Variants in UGT8 observed in about 807,000 individuals in gnomAD.
UGT8 encodes 2-hydroxyacylsphingosine 1-beta-galactosyltransferase.
In UGT8, 12 loss-of-function variants were observed where a neutral mutation model predicts 40.5. That is an observed-to-expected ratio of 0.30 (90% confidence interval 0.19 to 0.48). The LOEUF is 0.48. Ranked by LOEUF, UGT8 falls within the 20% of genes least tolerant of loss-of-function variation. The probability of loss-of-function intolerance (pLI) is 0.99; values close to 1 mark genes in which losing one functional copy is unlikely to be tolerated. For missense variants in UGT8, 513 were observed against 648.7 expected (o/e 0.79, Z 2.27); for synonymous variants, 224 against 240.4 (o/e 0.93, Z 0.63).
chr4:114,641,520 G>A (rs1057160403), intron 2 of UGT8, among the ~76,000 whole-genome samples: 7 of 152,164 alleles, frequency 4.6e-5, no homozygotes, highest in African/African-American at 9.6e-5. Flanking sequence ...AAACTGTGGC[G>A]TCTGTAAACC....
intron 2 of UGT8, among the ~76,000 whole-genome samples, chr4:114,637,277 A>G (rs1000519123): frequency 6.6e-6 from 1 of 152,190 alleles, no homozygotes; most frequent in Admixed American, 6.5e-5. Flanking sequence ...AGTGCCTGGC[A>G]TGGTGCTTAA....
chr4:114,677,970 A>G lies in UGT8; in HGVS notation c.*1682A>G, dbSNP rs1735753146. The G allele has an allele frequency of 6.6e-6, 1 of 152,232 alleles. No homozygotes were observed. 9.4% of individuals were successfully genotyped at this position (152,232 alleles called of 1,614,324 possible). A position where few individuals can be genotyped will look rare whatever the true frequency, so the allele number is the denominator to read the frequency against. On this transcript the variant is annotated 3_prime_UTR_variant, in exon 6 of 6. Transcript: ENST00000310836. ...AAATGTACTGCTCTCTGAATACTTG[A>G]AGAAATGGTATTATACATACATAGA...
intron 4 of UGT8, among the ~76,000 whole-genome samples, chr4:114,666,963 C>A (rs1329146232): frequency 6.6e-6 from 1 of 152,152 alleles, no homozygotes; most frequent in Non-Finnish European, 1.5e-5. Flanking sequence ...TTTCCCCTCC[C>A]CTCGTAGCCG....
intron 2 of UGT8, among the ~76,000 whole-genome samples, chr4:114,646,659 A>G (rs973575274): frequency 3.9e-5 from 6 of 152,202 alleles, no homozygotes; most frequent in African/African-American, 9.6e-5. Context: ...TGGATAGGGC[A>G]TTAGTTCTAA....
intron 4 of UGT8, among the ~76,000 whole-genome samples, chr4:114,666,367 CT>C (rs1028479139): frequency 6.6e-6 from 1 of 151,980 alleles, no homozygotes; most frequent in African/African-American, 2.4e-5. Context: ...ATATGCGTAT[CT>C]TTTAAGTGTG....
At chr4:114,653,954 T>C (rs1041611160) in intron 2 of UGT8, among the ~76,000 whole-genome samples, 6 of 152,074 alleles carry the variant, frequency 3.9e-5, no homozygotes, top group African/African-American at 4.8e-5. Flanking sequence ...TTAACTGATA[T>C]TGAATTATTG....
chr4:114,601,741 A>G (rs1050784799), intron 1 of UGT8, among the ~76,000 whole-genome samples: 14 of 152,060 alleles, frequency 9.2e-5, no homozygotes, highest in African/African-American at 3.4e-4. Context: ...GCTGAGGTGT[A>G]TAGAGCTGTT....
chr4:114,622,650 T>C (rs770391409), intron 1 of UGT8: 1 of 437,762 alleles, frequency 2.3e-6, no homozygotes, highest in Non-Finnish European at 4.1e-6. Context: ...TGAGATGATA[T>C]CTCATTGTGG....
In UGT8 at chr4:114,610,043, G is replaced by A. The variant is rs572632330; in HGVS notation, c.-3+11069G>A. ...AAAGTTTAATAAAGTCATGACCAAG[G>A]CTTTACAAAGACTGCTATTTTGATT... is the stretch of plus-strand genomic sequence containing the variant. On this transcript the variant is annotated intron_variant, in intron 1 of 5. Coordinates refer to ENST00000310836, the MANE Select transcript of UGT8 (RefSeq NM_001128174.3). Among the ~76,000 whole-genome samples, 7 of 152,214 alleles carry A rather than the reference G, an allele frequency of 4.6e-5. No individual in the cohort carries two copies. The East Asian group carries it at 1.3e-3, about 29-fold the overall frequency.
chr4:114,676,065 C>A lies in UGT8; in HGVS notation c.1403C>A (p.Ser468Tyr). 6.2e-7 allele frequency: 1 copy of A among 1,614,164 alleles called. No individual in the cohort carries two copies. The highest frequency in any genetic ancestry group is 8.5e-7 in the Non-Finnish European group (1 of 1,180,026). ...HHLRAAVHQI[S>Y]FCQYFLLDIA... ...CTACGTGCCGCTGTCCATCAGATCT[C>A]CTTTTGTCAGTATTTTTTACTGGAT... Residue 468 changes from serine to tyrosine, a missense_variant, in exon 6 of 6, where the codon TCC (serine) becomes TAC (tyrosine). Physicochemically the swap from Ser to Tyr is moderately radical, Grantham distance 144. Around this residue, in one of 3 missense-constraint regions of UGT8, gnomAD observed 175 missense variants for 186.7 expected, o/e 0.94. Transcript: ENST00000310836.
At chr4:114,623,797 A>G (rs1732008634) in intron 2 of UGT8, 95 bp downstream of exon 2, 4 of 1,415,786 alleles carry the variant, frequency 2.8e-6, no homozygotes, top group Non-Finnish European at 2.8e-6. Context: ...TATATATTGT[A>G]TATATACAGT....
chr4:114,625,210 A>G (rs1732123346), intron 2 of UGT8, among the ~76,000 whole-genome samples: 1 of 152,062 alleles, frequency 6.6e-6, no homozygotes, highest in Admixed American at 6.6e-5. Context: ...TTGATTGAAG[A>G]AGAAGTATAT....
At chr4:114,637,144 C>T (rs966706612) in intron 2 of UGT8, among the ~76,000 whole-genome samples, 3 of 152,076 alleles carry the variant, frequency 2.0e-5, no homozygotes, top group Non-Finnish European at 4.4e-5. Context: ...ATGAATGCCC[C>T]TAATACCAGT....
In UGT8 at chr4:114,623,713, C is replaced by T; in HGVS notation, c.822+11C>T. The stretch of plus-strand genomic sequence containing the variant: ...AGCCCACTACCAGAAGTAAGGTTTG[C>T]CGAATTCCTTGGTAATTCTTTTTTA... On this transcript the variant is annotated intron_variant, in intron 2 of 5. Coordinates refer to ENST00000310836, the MANE Select transcript of UGT8 (RefSeq NM_001128174.3). 6.4e-7 allele frequency: 1 copy of T among 1,567,030 alleles called. No individual in the cohort carries two copies. The highest frequency in any genetic ancestry group is 8.6e-7 in the Non-Finnish European group (1 of 1,158,704).
intron 1 of UGT8, among the ~76,000 whole-genome samples, chr4:114,618,372 G>A (rs770949225): frequency 2.0e-5 from 3 of 152,172 alleles, no homozygotes; most frequent in Admixed American, 6.5e-5. Context: ...CTTTGCAAGA[G>A]TTGAGCATTA....
intron 5 of UGT8, among the ~76,000 whole-genome samples, chr4:114,674,745 A>G (rs939084125): frequency 1.3e-5 from 2 of 152,192 alleles, no homozygotes; most frequent in Non-Finnish European, 2.9e-5. Flanking sequence ...GTCTTCACAC[A>G]TGTCCAATCT....
At chr4:114,656,030 A>G (rs1334927363) in intron 2 of UGT8, among the ~76,000 whole-genome samples, 1 of 152,164 alleles carries the variant, frequency 6.6e-6, no homozygotes, top group Non-Finnish European at 1.5e-5. Context: ...CCTTACAGGA[A>G]TATCACAGAA....
intron 1 of UGT8, among the ~76,000 whole-genome samples, chr4:114,611,439 T>C (rs868770542): frequency 2.6e-5 from 3 of 114,762 alleles, no homozygotes; most frequent in African/African-American, 9.0e-5. Flanking sequence ...TATATATATA[T>C]ATATATACAC....
rs1245092269 is a variant in UGT8, at chr4:114,625,573, T to A, written c.822+1871T>A. On this transcript the variant is annotated intron_variant, in intron 2 of 5. Coordinates refer to ENST00000310836, the MANE Select transcript of UGT8 (RefSeq NM_001128174.3). ...CTGATTGCCTTTTCTTTCCTTCCAGTTCCTGCTGTATATTTGTCTTGAGTT... is the reference window on the plus strand; with the variant it reads ...CTGATTGCCTTTTCTTTCCTTCCAGATCCTGCTGTATATTTGTCTTGAGTT... 2.7e-5 allele frequency among the ~76,000 whole-genome samples: 4 copies of A among 150,728 alleles called. No individual in the cohort carries two copies. In the East Asian group the frequency reaches 7.8e-4, roughly 30 times the overall value.
Sources: allele counts gnomAD v4.1 joint callset (sites outside exome capture counted in the v4.1 genomes callset), GRCh38; gene constraint gnomAD v4.1.1; regional missense constraint gnomAD v4.1.1; transcripts MANE v1.5; gene names NCBI Gene and HGNC (gene_info 2026-07-23, HGNC 2026-07-21).